WDR75: variants seen among roughly 807,000 people sequenced by gnomAD.
The protein encoded by WDR75 is WD repeat domain 75.
WDR75 carries 52 observed loss-of-function variants against 106.1 expected under a neutral mutation model. That is an observed-to-expected ratio of 0.49 (90% confidence interval 0.39 to 0.62). The LOEUF is 0.62. WDR75 is among the 20% of genes least tolerant of loss of function. The pLI is 0.00. For missense variants in WDR75, 905 were observed against 970.3 expected, an observed-to-expected ratio of 0.93 and a Z score of 0.89; for synonymous variants, 333 against 335.5, an observed-to-expected ratio of 0.99 and a Z score of 0.08.
rs1462760118 is a variant in WDR75, at chr2:189,457,386, G to C, written c.569+5G>C. 5.8e-6 allele frequency: 9 copies of C among 1,557,590 alleles called. No homozygotes were observed. Among genetic ancestry groups the C allele is most frequent in the Non-Finnish European group, 7.1e-6 (8 of 1,134,236 alleles). On this transcript the variant is annotated splice_donor_5th_base_variant and intron_variant, in intron 6 of 20. Coordinates refer to ENST00000314761, the MANE Select transcript of WDR75 (RefSeq NM_032168.3). ...CAAAAAGAAAACAACATCAAGGTAA[G>C]AATTATTTTTTATTAGCTTTATTTT...
chr2:189,466,277 G>A lies in WDR75; in HGVS notation c.1290-148G>A, dbSNP rs1301817530. 9 of 846,232 alleles carry A rather than the reference G, an allele frequency of 1.1e-5. No homozygotes were observed. In the East Asian group the frequency reaches 1.2e-4, roughly 12 times the overall value. 52.4% of individuals were successfully genotyped at this position (846,232 alleles called of 1,614,324 possible). ...TCTTTGCGTCCTGTGGCCATTAGAG[G>A]TAGAGCACTCAATTGTTTGTCATTC... On this transcript the variant is annotated intron_variant, in intron 12 of 20. Coordinates refer to ENST00000314761, the MANE Select transcript of WDR75 (RefSeq NM_032168.3).
chr2:189,445,533 G>A (rs1431357295), intron 1 of WDR75, among the ~76,000 whole-genome samples: 2 of 152,162 alleles, frequency 1.3e-5, no homozygotes, highest in African/African-American at 4.8e-5. Context: ...GGGAAAGACT[G>A]AAAAACTGTC....
chr2:189,470,412 G>A (rs1166123850), intron 17 of WDR75, among the ~76,000 whole-genome samples, 167 bp downstream of exon 17: 2 of 152,096 alleles, frequency 1.3e-5, no homozygotes, highest in African/African-American at 4.8e-5. Context: ...TAATGTAAAT[G>A]TATTACCGTT....
At chr2:189,452,749 C>G (rs1171396730) in intron 4 of WDR75, among the ~76,000 whole-genome samples, 1 of 152,154 alleles carries the variant, frequency 6.6e-6, no homozygotes, top group East Asian at 1.9e-4. Context: ...AGAACACTGA[C>G]ATGAGGACAC....
At chr2:189,450,630 C>T in intron 2 of WDR75, 2 of 1,233,064 alleles carry the variant, frequency 1.6e-6, no homozygotes, top group Non-Finnish European at 2.0e-6. Flanking sequence ...TTTCATATCT[C>T]ATTCAAAACC....
chr2:189,463,728 C>A lies in WDR75; in HGVS notation c.972C>A (p.Ser324=), dbSNP rs761787486. The change falls in exon 10 of 21, where the codon TCC becomes TCA. Residue 324 remains serine, a synonymous_variant. Coordinates refer to ENST00000314761, the MANE Select transcript of WDR75 (RefSeq NM_032168.3). ...TTATTCACCGAAACCTTGAAGCATC[C>A]GCAGTAATTCAAGGCCTAGTGAAAG... ...IIIIHRNLEA[S]AVIQGLVKDR... 6.2e-7 allele frequency: 1 copy of A among 1,613,704 alleles called. No individual in the cohort carries two copies. Among genetic ancestry groups the A allele is most frequent in the Non-Finnish European group, 8.5e-7 (1 of 1,179,768 alleles).
chr2:189,452,037 T>C (rs1686633212), intron 4 of WDR75, 142 bp downstream of exon 4: 3 of 613,688 alleles, frequency 4.9e-6, no homozygotes, highest in South Asian at 4.3e-5. Flanking sequence ...ATTATTGTGC[T>C]CATTTGGAGA....
chr2:189,469,311 T>C (rs373913074), intron 15 of WDR75, 33 bp from the exon 16 acceptor site: 49 of 1,545,666 alleles, frequency 3.2e-5, no homozygotes, highest in Non-Finnish European at 4.2e-5. Flanking sequence ...AAATCTTTCC[T>C]TAGAAGTGAA....
chr2:189,448,194 A>G (rs545046893), intron 1 of WDR75, among the ~76,000 whole-genome samples, 185 bp from the exon 2 acceptor site: 2 of 152,308 alleles, frequency 1.3e-5, no homozygotes, highest in East Asian at 3.9e-4. Flanking sequence ...TGAATGAGAT[A>G]TGTAAAGCAC....
rs75534935 is a variant in WDR75 at position 189,441,535 on chromosome 2, A to G, written c.43A>G (p.Ser15Gly). ...ENIRVVRCGG[S>G]ELNFRRAVFS... The stretch of plus-strand genomic sequence containing the variant: ...CATCCGCGTGGTTCGTTGTGGCGGC[A>G]GCGAGTTGAACTTTAGGAGAGCTGT... Residue 15 changes from serine (S) to glycine (G), a missense_variant, in exon 1 of 21, where the codon AGC (serine) becomes GGC (glycine). Ser to Gly is a moderately conservative substitution (Grantham distance 56). Coordinates refer to ENST00000314761, the MANE Select transcript of WDR75 (RefSeq NM_032168.3). 10 of 1,564,908 alleles carry G rather than the reference A, an allele frequency of 6.4e-6. No homozygotes were observed. The highest frequency in any genetic ancestry group is 8.7e-6 in the Non-Finnish European group (10 of 1,153,492).
rs1195356394 is a variant in WDR75, at chr2:189,475,220, G to A, written c.2296G>A (p.Glu766Lys). The A allele has an allele frequency of 4.4e-6, 7 of 1,605,840 alleles. No individual in the cohort carries two copies. The highest frequency in any genetic ancestry group is 1.1e-5 in the South Asian group (1 of 89,368). ...ATTCTGTTATTGTTAAAGTGCTAAG[G>A]AAATTCCTGAAGATGTAGATATGGA... The part of the protein sequence containing the change: ...LLSKETKSAK[E>K]IPEDVDMEEE... The change falls in exon 21 of 21, where the codon GAA (glutamate) becomes AAA (lysine). Residue 766 changes from glutamate to lysine, a missense_variant. Transcript: ENST00000314761.
At chr2:189,449,678 T>C in intron 2 of WDR75, 2 of 994,788 alleles carry the variant, frequency 2.0e-6, no homozygotes, top group Non-Finnish European at 1.2e-6. Context: ...TGTTTGTGTA[T>C]TAACCATTGT....
At chr2:189,443,580 GA>G (rs1686432253) in intron 1 of WDR75, among the ~76,000 whole-genome samples, 1 of 152,174 alleles carries the variant, frequency 6.6e-6, no homozygotes, top group Non-Finnish European at 1.5e-5. Context: ...TTGGTGAGTG[GA>G]GAAATGAGAG....
chr2:189,466,518 G>T lies in WDR75; in HGVS notation c.1383G>T (p.Leu461Phe). 1 of 1,613,196 alleles carries T rather than the reference G, an allele frequency of 6.2e-7. No homozygotes were observed. Among genetic ancestry groups the T allele is most frequent in the East Asian group, 2.2e-5 (1 of 44,846 alleles). The change falls in exon 13 of 21, where the codon TTG (leucine) becomes TTT (phenylalanine). Residue 461 changes from leucine to phenylalanine, a missense_variant. Transcript: ENST00000314761. The stretch of plus-strand genomic sequence containing the variant: ...CAGAAAAATCTGAACAGCCCACCTT[G>T]GTTACAGCTAGCAAAGATGGTTACT... ...CNAEKSEQPT[L>F]VTASKDGYFK...
chr2:189,450,834 AATT>A, intron 2 of WDR75, 66 bp from the exon 3 acceptor site: 1 of 1,590,792 alleles, frequency 6.3e-7, no homozygotes, highest in Non-Finnish European at 8.5e-7. Flanking sequence ...ATCAACATTT[AATT>A]ATTCATTTGA....
In WDR75 at chr2:189,467,476, G is replaced by C; in HGVS notation, c.1456G>C (p.Val486Leu). ...TDDSDIYKKA[V>L]GWTCDFVGSY... ...GGCTTATATTTCCACAGAAAAAGCT[G>C]TTGGCTGGACCTGTGACTTTGTTGG... Residue 486 changes from valine to leucine, a missense_variant, in exon 14 of 21, where the codon GTT becomes CTT. Transcript: ENST00000314761. 1 of 1,593,864 alleles carries C rather than the reference G, an allele frequency of 6.3e-7. No individual in the cohort carries two copies. Among genetic ancestry groups the C allele is most frequent in the Non-Finnish European group, 8.5e-7 (1 of 1,170,812 alleles).
intron 1 of WDR75, among the ~76,000 whole-genome samples, chr2:189,446,422 G>A (rs577210080): frequency 6.6e-6 from 1 of 152,280 alleles, no homozygotes; most frequent in South Asian, 2.1e-4. Context: ...TGGAGAAGAG[G>A]CTCCAGCCAA....
At chr2:189,462,897 T>G (rs1458445828) in intron 9 of WDR75, among the ~76,000 whole-genome samples, 1 of 152,188 alleles carries the variant, frequency 6.6e-6, no homozygotes, top group Non-Finnish European at 1.5e-5. Context: ...CACTTACATT[T>G]TCAAAGTCTT....
chr2:189,455,539 C>A, intron 5 of WDR75, 95 bp downstream of exon 5: 1 of 1,428,450 alleles, frequency 7.0e-7, no homozygotes, highest in East Asian at 2.3e-5. Flanking sequence ...ATTTTATATT[C>A]CCTTGAATTA....
Sources: allele counts gnomAD v4.1 joint callset (sites outside exome capture counted in the v4.1 genomes callset), GRCh38; gene constraint gnomAD v4.1.1; transcripts MANE v1.5; gene names NCBI Gene and HGNC (gene_info 2026-07-23, HGNC 2026-07-21).